The following ADAMTS9 variants were observed in gnomAD, a reference collection of about 807,000 sequenced individuals.
The protein encoded by ADAMTS9 is A disintegrin and metalloproteinase with thrombospondin motifs 9.
Under a neutral mutation model 257.1 loss-of-function variants are expected in ADAMTS9, and 107 were observed. The ratio of observed to expected loss-of-function variants is 0.42; its 90% confidence interval spans 0.36 to 0.49. The LOEUF is 0.49. ADAMTS9 is among the 20% of genes least tolerant of loss of function. ADAMTS9 has a pLI of 0.03. For synonymous variants in ADAMTS9, 982 were observed against 880.9 expected, an observed-to-expected ratio of 1.11 and a Z score of -2.03; for missense variants, 2,353 against 2,469.1, an observed-to-expected ratio of 0.95 and a Z score of 1.00.
At chr3:64,525,002 C>A (rs901740142) in intron 38 of ADAMTS9, among the ~76,000 whole-genome samples, 12 of 152,188 alleles carry the variant, frequency 7.9e-5, no homozygotes, top group Admixed American at 6.5e-4. Flanking sequence ...AAGCCCATTT[C>A]TTCTGAGAAA....
intron 28 of ADAMTS9, among the ~76,000 whole-genome samples, chr3:64,571,997 T>G (rs1252256948): frequency 6.6e-6 from 1 of 152,232 alleles, no homozygotes; most frequent in Non-Finnish European, 1.5e-5. Context: ...ATTTATTGGT[T>G]ACACATCTGA....
At chr3:64,551,087 G>T (rs1420080860) in intron 30 of ADAMTS9, 25 bp from the exon 31 acceptor site, 2 of 1,611,562 alleles carry the variant, frequency 1.2e-6, no homozygotes, top group Non-Finnish European at 8.5e-7. Context: ...CAAAAGAGAA[G>T]AATAAACCGT....
At chr3:64,636,805 A>T (rs1006652739) in intron 12 of ADAMTS9, among the ~76,000 whole-genome samples, 1 of 152,212 alleles carries the variant, frequency 6.6e-6, no homozygotes, top group African/African-American at 2.4e-5. Flanking sequence ...TATATCAGTA[A>T]GGTTGAGTAA....
intron 11 of ADAMTS9, among the ~76,000 whole-genome samples, chr3:64,647,484 C>A (rs1277041864): frequency 6.6e-6 from 1 of 152,304 alleles, no homozygotes; most frequent in African/African-American, 2.4e-5. Flanking sequence ...AAGGGAACAA[C>A]ACCGGTTGGC....
At chr3:64,641,269 T>G (rs572220240) in intron 12 of ADAMTS9, among the ~76,000 whole-genome samples, 46 of 152,084 alleles carry the variant, frequency 3.0e-4, no homozygotes, top group South Asian at 1.9e-3. Context: ...GCCTGCTTTT[T>G]TTTTGTTTTG....
rs140364983 is a variant in ADAMTS9 at position 64,579,886 on chromosome 3, C to T, written c.4357-11351G>A. On this transcript the variant is annotated intron_variant, in intron 28 of 39. Coordinates refer to ENST00000498707, the MANE Select transcript of ADAMTS9 (RefSeq NM_182920.2). ...ATATCTACAGAACTAAATGCACAGG[C>T]GACATCTAAAGGGAACATTATCTGA... Among the ~76,000 whole-genome samples the T allele has an allele frequency of 3.7e-3, 568 of 152,172 alleles. 3 individuals carry two copies. Among genetic ancestry groups the T allele is most frequent in the African/African-American group, 0.013 (524 of 41,530 alleles).
At chr3:64,570,544 G>A (rs1037370819) in intron 28 of ADAMTS9, among the ~76,000 whole-genome samples, 12 of 152,034 alleles carry the variant, frequency 7.9e-5, no homozygotes, top group Middle Eastern at 3.4e-3. Context: ...AACAGTGTGA[G>A]TGGAAATGAG....
intron 3 of ADAMTS9, among the ~76,000 whole-genome samples, chr3:64,675,013 A>C (rs1335276350): frequency 2.6e-5 from 4 of 152,196 alleles, no homozygotes; most frequent in African/African-American, 9.6e-5. Flanking sequence ...TCCTCAAATC[A>C]AATCAAATTC....
chr3:64,570,832 A>G (rs2083667072), intron 28 of ADAMTS9, among the ~76,000 whole-genome samples: 2 of 151,786 alleles, frequency 1.3e-5, no homozygotes, highest in African/African-American at 4.8e-5. Context: ...GTAGATAGTG[A>G]TAACACTTAC....
chr3:64,597,569 C>T (rs548713351), intron 26 of ADAMTS9, among the ~76,000 whole-genome samples: 7 of 152,138 alleles, frequency 4.6e-5, no homozygotes, highest in Non-Finnish European at 8.8e-5. Context: ...GCCTGAACTT[C>T]GGTGGCTAAT....
chr3:64,687,415 G>T lies in ADAMTS9; in HGVS notation c.115+128C>A. On this transcript the variant is annotated intron_variant, in intron 1 of 39. Coordinates refer to ENST00000498707, the MANE Select transcript of ADAMTS9 (RefSeq NM_182920.2). The surrounding 1 kb of genome is among the most constrained non-coding windows in gnomAD (Gnocchi z 4.4). ...GGATGACCCAAAGAAGGGAGAGGCT[G>T]CAAAGCGGGAGATAATTCTTTCTAG... is the stretch of plus-strand genomic sequence containing the variant. The T allele has an allele frequency of 1.2e-6, 1 of 810,444 alleles. No individual in the cohort carries two copies. Among genetic ancestry groups the T allele is most frequent in the Non-Finnish European group, 1.9e-6 (1 of 537,652 alleles). 50.2% of individuals were successfully genotyped at this position (810,444 alleles called of 1,614,324 possible). A position where few individuals can be genotyped will look rare whatever the true frequency, so the allele number is the denominator to read the frequency against.
intron 12 of ADAMTS9, among the ~76,000 whole-genome samples, chr3:64,634,802 A>G (rs568341094): frequency 7.2e-5 from 11 of 152,312 alleles, no homozygotes; most frequent in African/African-American, 2.2e-4. Flanking sequence ...TTCCTTTAGA[A>G]TGAATCTTTC....
chr3:64,553,621 C>T (rs2083296668), intron 30 of ADAMTS9, among the ~76,000 whole-genome samples: 1 of 152,074 alleles, frequency 6.6e-6, no homozygotes, highest in Non-Finnish European at 1.5e-5. Flanking sequence ...TACCCTGTTC[C>T]TTTAGGAAGG....
intron 30 of ADAMTS9, 106 bp downstream of exon 30, chr3:64,561,472 T>C (rs2083421448): frequency 2.3e-6 from 3 of 1,291,360 alleles, no homozygotes; most frequent in South Asian, 1.6e-5. Flanking sequence ...GCCAGCATTG[T>C]AACCGTGCTC....
chr3:64,618,433 T>C (rs1244929161), intron 19 of ADAMTS9, among the ~76,000 whole-genome samples: 1 of 152,204 alleles, frequency 6.6e-6, no homozygotes, highest in Non-Finnish European at 1.5e-5. Flanking sequence ...ATACCTACTA[T>C]ATGAAACACA....
rs140612485 is a variant in ADAMTS9, at chr3:64,622,480, G to C, written c.2496C>G (p.Ser832=). The C allele has an allele frequency of 1.9e-6, 3 of 1,613,858 alleles. No homozygotes were observed. The Admixed American group carries it at 5.0e-5, about 27-fold the overall frequency. ...IGNAVVEYSG[S]ETAVERINST... ...AGTTAATTCTTTCTACGGCAGTCTC[G>C]GACCCACTGTACTCTACCACAGCAT... The change falls in exon 17 of 40, where the codon TCC becomes TCG. Residue 832 remains serine, a synonymous_variant. Transcript: ENST00000498707.
At position 64,654,653 on chromosome 3, in the gene ADAMTS9, G is replaced by C. The variant is rs376249988; in HGVS notation, c.1170-41C>G. 1.9e-6 allele frequency: 3 copies of C among 1,600,442 alleles called. No individual in the cohort carries two copies. In the South Asian group the frequency reaches 3.3e-5, roughly 18 times the overall value. On this transcript the variant is annotated intron_variant, in intron 6 of 39. Transcript: ENST00000498707. ...ACTTAGGCCTTGATGACATCAAAGAGTAAATGTCAATACAAGTAAATACTT... is the reference window on the plus strand; with the variant it reads ...ACTTAGGCCTTGATGACATCAAAGACTAAATGTCAATACAAGTAAATACTT...
chr3:64,538,145 G>A (rs182882187), intron 37 of ADAMTS9, among the ~76,000 whole-genome samples: 20 of 152,222 alleles, frequency 1.3e-4, no homozygotes, highest in Admixed American at 7.2e-4. Flanking sequence ...CCTTGGTCCC[G>A]GAGGACTTCT....
rs748676142 is a variant in ADAMTS9, at chr3:64,655,879, C to A, written c.970-4G>T. ...GGTCTTTATAGATAGAGGCTACCTG[C>A]AACCGAGATAAATTTTTCAAAGTTA... On this transcript the variant is annotated splice_region_variant and splice_polypyrimidine_tract_variant and intron_variant, in intron 4 of 39. Coordinates refer to ENST00000498707, the MANE Select transcript of ADAMTS9 (RefSeq NM_182920.2). 2.1e-5 allele frequency: 33 copies of A among 1,537,008 alleles called. No homozygotes were observed. The highest frequency in any genetic ancestry group is 4.4e-5 in the Admixed American group (2 of 45,158).
Sources: gnomAD v4.1 joint callset for allele counts (sites outside exome capture counted in the v4.1 genomes callset) on GRCh38, gnomAD v4.1.1 for gene constraint, Gnocchi (gnomAD v3.1) non-coding constraint, MANE v1.5 for transcripts, NCBI Gene and HGNC (gene_info 2026-07-23, HGNC 2026-07-21) for gene names.